MTHFD2L: variants seen among roughly 807,000 people sequenced by gnomAD.
MTHFD2L encodes the protein bifunctional methylenetetrahydrofolate dehydrogenase/cyclohydrolase 2, mitochondrial.
In MTHFD2L, 29 loss-of-function variants were observed where a neutral mutation model predicts 34.9. The ratio of observed to expected loss-of-function variants is 0.83; its 90% CI spans 0.62 to 1.13. The LOEUF is 1.13. MTHFD2L is among the 50% of genes most tolerant of loss of function. The probability of loss-of-function intolerance (pLI) is 0.00; values close to 1 mark genes in which losing one functional copy is unlikely to be tolerated. For missense variants in MTHFD2L, 481 were observed against 446.5 expected (o/e 1.08, Z -0.70); for synonymous variants, 167 against 155.7 (o/e 1.07, Z -0.54).
intron 6 of MTHFD2L, among the ~76,000 whole-genome samples, chr4:74,238,143 A>T (rs548969301): frequency 2.6e-5 from 4 of 152,326 alleles, no homozygotes; most frequent in South Asian, 4.1e-4. Flanking sequence ...TCAAAATGTT[A>T]CATGTCAGTG....
chr4:74,193,666 A>G (rs553396242), intron 3 of MTHFD2L, among the ~76,000 whole-genome samples: 1 of 152,244 alleles, frequency 6.6e-6, no homozygotes, highest in African/African-American at 2.4e-5. Flanking sequence ...ACTCCTAAGC[A>G]TTTTATGATT....
At chr4:74,135,914 G>A (rs1264428492) in intron 1 of MTHFD2L, among the ~76,000 whole-genome samples, 1 of 152,032 alleles carries the variant, frequency 6.6e-6, no homozygotes, top group Non-Finnish European at 1.5e-5. Context: ...AAAGGCATTT[G>A]ATAAAATTCA....
At chr4:74,262,462 A>G (rs1744800014) in intron 6 of MTHFD2L, among the ~76,000 whole-genome samples, 1 of 151,940 alleles carries the variant, frequency 6.6e-6, no homozygotes, top group Non-Finnish European at 1.5e-5. Flanking sequence ...AAATTTTAGC[A>G]TTTTATTGGG....
At chr4:74,247,231 C>T (rs1742606221) in intron 6 of MTHFD2L, among the ~76,000 whole-genome samples, 2 of 151,924 alleles carry the variant, frequency 1.3e-5, no homozygotes, top group East Asian at 1.9e-4. Flanking sequence ...ATTTTATTCT[C>T]TTTGAAGCAA....
chr4:74,203,034 A>G (rs1464009302), intron 5 of MTHFD2L, among the ~76,000 whole-genome samples: 3 of 152,194 alleles, frequency 2.0e-5, no homozygotes, highest in East Asian at 1.9e-4. Context: ...ACAAAGCTCT[A>G]TGGAAAAATA....
At chr4:74,247,164 G>A (rs900630583) in intron 6 of MTHFD2L, among the ~76,000 whole-genome samples, 1 of 151,356 alleles carries the variant, frequency 6.6e-6, no homozygotes, top group Non-Finnish European at 1.5e-5. Context: ...TTGAGCAGTG[G>A]TTTGTAGTTC....
At chr4:74,154,675 A>G (rs1399271672), upstream of MTHFD2L, among the ~76,000 whole-genome samples, 1 of 152,050 alleles carries the variant, frequency 6.6e-6, no homozygotes, top group Non-Finnish European at 1.5e-5. Context: ...ACGATGCTCT[A>G]GGATCATCTA....
At position 74,296,388 on chromosome 4, in the gene MTHFD2L, A is replaced by G. The variant is rs912677058; in HGVS notation, c.932-5309A>G. On this transcript the variant is annotated intron_variant, in intron 7 of 7. Transcript: ENST00000325278. ...AGTAGATTATAAAAAATGGCCACAC[A>G]TTTATTTTGTCCCCATGTGTACATC... Among the ~76,000 whole-genome samples the G allele has an allele frequency of 2.0e-5, 3 of 152,180 alleles. No homozygotes were observed. In the East Asian group the frequency reaches 5.8e-4, roughly 29 times the overall value.
chr4:74,193,524 G>T (rs1158951837), intron 3 of MTHFD2L, among the ~76,000 whole-genome samples: 2 of 152,136 alleles, frequency 1.3e-5, no homozygotes, highest in Non-Finnish European at 1.5e-5. Flanking sequence ...AAATCAGTTT[G>T]GGAATTGACA....
At chr4:74,125,811 T>A (rs1722028403) in intron 1 of MTHFD2L, among the ~76,000 whole-genome samples, 1 of 152,202 alleles carries the variant, frequency 6.6e-6, no homozygotes, top group Admixed American at 6.6e-5. Flanking sequence ...TTTATGGTTT[T>A]AAAAATTTTA....
At chr4:74,227,304 A>G (rs1345580392) in intron 6 of MTHFD2L, among the ~76,000 whole-genome samples, 1 of 152,190 alleles carries the variant, frequency 6.6e-6, no homozygotes, top group South Asian at 2.1e-4. Context: ...TCACCCCTAC[A>G]GACCTAGGAA....
At chr4:74,162,598 AT>A (rs1376909869) in intron 1 of MTHFD2L, among the ~76,000 whole-genome samples, 1 of 151,866 alleles carries the variant, frequency 6.6e-6, no homozygotes, top group Non-Finnish European at 1.5e-5. Context: ...TTGTTGAAAA[AT>A]ACAATTTTCT....
At chr4:74,232,208 G>C (rs1740172965) in intron 6 of MTHFD2L, among the ~76,000 whole-genome samples, 1 of 152,128 alleles carries the variant, frequency 6.6e-6, no homozygotes, top group Admixed American at 6.6e-5. Context: ...ACACATGAGG[G>C]ACCAACTTTA....
intron 6 of MTHFD2L, among the ~76,000 whole-genome samples, chr4:74,268,655 T>C (rs1745598621): frequency 6.6e-6 from 1 of 152,198 alleles, no homozygotes; most frequent in Non-Finnish European, 1.5e-5. Context: ...GACTGAGCCA[T>C]TTCATGAAGA....
intron 6 of MTHFD2L, among the ~76,000 whole-genome samples, chr4:74,272,194 C>T (rs1242743972): frequency 1.3e-5 from 2 of 152,134 alleles, no homozygotes. Flanking sequence ...AATCTGGCAA[C>T]TCCCCTTTCA....
intron 6 of MTHFD2L, among the ~76,000 whole-genome samples, chr4:74,251,067 C>G (rs1389939348): frequency 3.3e-5 from 5 of 152,116 alleles, no homozygotes; most frequent in African/African-American, 1.2e-4. Flanking sequence ...TCCCTAGGAG[C>G]CCAGAATAGA....
At chr4:74,266,937 G>A (rs951974646) in intron 6 of MTHFD2L, 9 of 985,218 alleles carry the variant, frequency 9.1e-6, no homozygotes, top group Admixed American at 6.2e-5. Context: ...TGGCTTTCAG[G>A]AGGTACATCT....
intron 6 of MTHFD2L, among the ~76,000 whole-genome samples, chr4:74,248,080 G>T (rs1742752030): frequency 6.6e-6 from 1 of 151,702 alleles, no homozygotes; most frequent in Non-Finnish European, 1.5e-5. Context: ...TGTACCTCTG[G>T]TAGAATTCGG....
intron 7 of MTHFD2L, among the ~76,000 whole-genome samples, chr4:74,289,509 C>T (rs6820992): frequency 7.2e-5 from 11 of 152,080 alleles, no homozygotes; most frequent in East Asian, 3.9e-4. Flanking sequence ...TATACTCTAA[C>T]GCAGTGGAAA....
Sources: allele counts gnomAD v4.1 joint callset (sites outside exome capture counted in the v4.1 genomes callset), GRCh38; gene constraint gnomAD v4.1.1; transcripts MANE v1.5; gene names NCBI Gene and HGNC (gene_info 2026-07-23, HGNC 2026-07-21).